SLC35F1: variants seen among roughly 807,000 people sequenced by gnomAD.
SLC35F1 encodes solute carrier family 35 member F1.
Under a neutral mutation model 48.7 loss-of-function variants are expected in SLC35F1, and 14 were observed. The observed-to-expected ratio is 0.29, with a 90% CI of 0.19 to 0.45. The LOEUF (loss-of-function observed/expected upper bound fraction) is 0.45. SLC35F1 is among the 20% of genes least tolerant of loss of function. The pLI is 1.00. For synonymous variants in SLC35F1, 190 were observed against 202.2 expected (o/e 0.94, Z 0.51); for missense variants, 404 against 500.0 (o/e 0.81, Z 1.83).
At chr6:118,240,810 G>C (rs2114590803) in intron 3 of SLC35F1, among the ~76,000 whole-genome samples, 1 of 152,292 alleles carries the variant, frequency 6.6e-6, no homozygotes, top group African/African-American at 2.4e-5. Flanking sequence ...GATGGACCAT[G>C]GCAAGGATGA....
At chr6:118,122,373 G>C (rs1411010293) in intron 1 of SLC35F1, among the ~76,000 whole-genome samples, 1 of 152,082 alleles carries the variant, frequency 6.6e-6, no homozygotes, top group Non-Finnish European at 1.5e-5. Context: ...AGTGCCCTGT[G>C]CTTGCTGAAA....
intron 1 of SLC35F1, among the ~76,000 whole-genome samples, chr6:118,088,937 T>A (rs1756123280): frequency 1.3e-5 from 2 of 152,230 alleles, no homozygotes; most frequent in African/African-American, 2.4e-5. Context: ...GGACACCCTG[T>A]GGACTAGCAG....
intron 2 of SLC35F1, among the ~76,000 whole-genome samples, chr6:118,197,228 C>T (rs1426575488): frequency 6.6e-6 from 1 of 151,980 alleles, no homozygotes; most frequent in African/African-American, 2.4e-5. Context: ...TACTTCCCCC[C>T]TTCCATCTCT....
At chr6:117,998,258 C>T (rs1434331469) in intron 1 of SLC35F1, among the ~76,000 whole-genome samples, 27 of 145,036 alleles carry the variant, frequency 1.9e-4, no homozygotes, top group African/African-American at 6.1e-4. Flanking sequence ...AATACAGGAG[C>T]ACCCAGATTC....
rs1409638623 is a variant in SLC35F1 at position 118,162,567 on chromosome 6, A to G, written c.349+7947A>G. Among the ~76,000 whole-genome samples, 5 of 152,320 alleles carry G rather than the reference A, an allele frequency of 3.3e-5. No individual in the cohort carries two copies. In the East Asian group the frequency reaches 5.8e-4, roughly 18 times the overall value. Reference sequence around the variant, plus strand: ...CATCTGACTGAAGTGGGGAAAAAAAAGAAAATTAACTACTATAACTCGGCC... The same window carrying G: ...CATCTGACTGAAGTGGGGAAAAAAAGGAAAATTAACTACTATAACTCGGCC... On this transcript the variant is annotated intron_variant, in intron 2 of 7. Coordinates refer to ENST00000360388, the MANE Select transcript of SLC35F1 (RefSeq NM_001029858.4).
chr6:117,958,973 T>A (rs1776461090), intron 1 of SLC35F1, among the ~76,000 whole-genome samples: 1 of 152,216 alleles, frequency 6.6e-6, no homozygotes, highest in East Asian at 1.9e-4. Context: ...ACTGTGGAAT[T>A]CCTGTTTTGG....
intron 1 of SLC35F1, among the ~76,000 whole-genome samples, chr6:118,017,230 C>T (rs2114881271): frequency 6.6e-6 from 1 of 152,304 alleles, no homozygotes; most frequent in African/African-American, 2.4e-5. Flanking sequence ...TGGGGACTTC[C>T]CGATCCTAGA....
chr6:118,296,776 C>G (rs1046248628), intron 7 of SLC35F1, among the ~76,000 whole-genome samples: 2 of 152,160 alleles, frequency 1.3e-5, no homozygotes, highest in African/African-American at 4.8e-5. Context: ...AAGAAAAAAG[C>G]AGCTAGTTGT....
At chr6:118,043,524 C>T (rs1290184564) in intron 1 of SLC35F1, among the ~76,000 whole-genome samples, 1 of 151,824 alleles carries the variant, frequency 6.6e-6, no homozygotes, top group Non-Finnish European at 1.5e-5. Context: ...GGGGCTATGT[C>T]TATCTTATTT....
intron 1 of SLC35F1, among the ~76,000 whole-genome samples, chr6:117,998,783 G>A (rs1777040034): frequency 1.3e-5 from 2 of 152,222 alleles, no homozygotes; most frequent in Non-Finnish European, 2.9e-5. Flanking sequence ...GCAGTGTGTA[G>A]AGGGAAATTT....
chr6:118,105,724 T>C (rs9398484), intron 1 of SLC35F1, among the ~76,000 whole-genome samples: 33,215 of 152,114 alleles, frequency 0.22, 4,090 homozygotes, highest in East Asian at 0.39. Flanking sequence ...CATTTCACAC[T>C]TTTATGCTTA....
At chr6:117,963,910 A>G (rs1215744344) in intron 1 of SLC35F1, among the ~76,000 whole-genome samples, 2 of 152,216 alleles carry the variant, frequency 1.3e-5, no homozygotes, top group Non-Finnish European at 2.9e-5. Flanking sequence ...GCACCTATCA[A>G]GTCATTACCT....
intron 1 of SLC35F1, among the ~76,000 whole-genome samples, chr6:117,988,632 G>A (rs1218455770): frequency 1.3e-5 from 2 of 152,188 alleles, no homozygotes; most frequent in East Asian, 3.8e-4. Context: ...ATATTGACCA[G>A]CCTGACCATT....
intron 1 of SLC35F1, among the ~76,000 whole-genome samples, chr6:118,089,196 A>G (rs924360458): frequency 2.0e-5 from 3 of 152,124 alleles, no homozygotes; most frequent in African/African-American, 7.2e-5. Flanking sequence ...CATTTTTATA[A>G]TTTACTAATA....
chr6:118,138,281 C>A (rs1157324813), intron 1 of SLC35F1, among the ~76,000 whole-genome samples: 1 of 149,702 alleles, frequency 6.7e-6, no homozygotes, highest in Non-Finnish European at 1.5e-5. Context: ...GCACTTCAGC[C>A]TTGTATCATA....
At chr6:118,173,419 A>G (rs899234516) in intron 2 of SLC35F1, among the ~76,000 whole-genome samples, 1 of 151,732 alleles carries the variant, frequency 6.6e-6, no homozygotes, top group African/African-American at 2.4e-5. Context: ...AAAAACAGCC[A>G]AAACTTTAGG....
At position 118,104,598 on chromosome 6, in the gene SLC35F1, C is replaced by G. The variant is rs148337147; in HGVS notation, c.174-49847C>G. On this transcript the variant is annotated intron_variant, in intron 1 of 7. Transcript: ENST00000360388. ...GCCACTACAGAAGTTATATCATAACCAAATAAGTAAAAAGGGAGAAATAAT... is the reference window on the plus strand; with the variant it reads ...GCCACTACAGAAGTTATATCATAACGAAATAAGTAAAAAGGGAGAAATAAT... Among the ~76,000 whole-genome samples, 1,328 of 151,962 alleles carry G rather than the reference C, an allele frequency of 8.7e-3. 8 individuals carry two copies. The highest frequency in any genetic ancestry group is 0.013 in the Non-Finnish European group (898 of 67,964).
intron 1 of SLC35F1, among the ~76,000 whole-genome samples, chr6:118,092,190 T>TGCA (rs1393421253): frequency 2.6e-5 from 4 of 152,194 alleles, no homozygotes; most frequent in Admixed American, 6.5e-5. Context: ...CAGAGACCTT[T>TGCA]GCAGCAGCCC....
Position 118,086,837 on chromosome 6 carries a change from C to T in SLC35F1, c.174-67608C>T, listed in dbSNP as rs60039248. On this transcript the variant is annotated intron_variant, in intron 1 of 7. Coordinates refer to ENST00000360388, the MANE Select transcript of SLC35F1 (RefSeq NM_001029858.4). Reference sequence around the variant, plus strand: ...AAATACAGGCTCACTGGGAGGCTTGCCCATGCAGCTCCTTTGGAACCTCCT... The same window carrying T: ...AAATACAGGCTCACTGGGAGGCTTGTCCATGCAGCTCCTTTGGAACCTCCT... Among the ~76,000 whole-genome samples the T allele has an allele frequency of 4.1e-3, 625 of 152,306 alleles. 5 individuals are homozygous for T. The highest frequency in any genetic ancestry group is 0.014 in the African/African-American group (601 of 41,560).
Sources: allele counts gnomAD v4.1 joint callset (sites outside exome capture counted in the v4.1 genomes callset), GRCh38; gene constraint gnomAD v4.1.1; transcripts MANE v1.5; gene names NCBI Gene and HGNC (gene_info 2026-07-23, HGNC 2026-07-21).